FRMD4A: variants seen among roughly 807,000 people sequenced by gnomAD.
FRMD4A encodes the protein FERM domain containing 4A.
A neutral mutation model predicts 129.1 loss-of-function variants in FRMD4A; 29 were observed. That is an observed-to-expected ratio of 0.22 (90% CI 0.17 to 0.31). The LOEUF (loss-of-function observed/expected upper bound fraction) is 0.31. Ranked by LOEUF, FRMD4A falls within the 10% of genes least tolerant of loss-of-function variation. FRMD4A has a pLI of 1.00. For missense variants in FRMD4A, 1,272 were observed against 1,375.8 expected, an observed-to-expected ratio of 0.92 and a Z score of 1.19; for synonymous variants, 634 against 571.6, an observed-to-expected ratio of 1.11 and a Z score of -1.56.
chr10:14,080,392 G>A (rs568902680), intron 2 of FRMD4A, among the ~76,000 whole-genome samples: 1 of 152,218 alleles, frequency 6.6e-6, no homozygotes, highest in East Asian at 1.9e-4. Context: ...ACTGGCTCCT[G>A]AACAAGGGGT....
At chr10:13,649,920 A>G (rs1048507879) in intron 24 of FRMD4A, among the ~76,000 whole-genome samples, 2 of 152,214 alleles carry the variant, frequency 1.3e-5, no homozygotes, top group African/African-American at 4.8e-5. Flanking sequence ...CTGGGGCAGG[A>G]TGAAGATCTA....
chr10:14,287,837 T>C (rs539595984), intron 2 of FRMD4A, among the ~76,000 whole-genome samples: 1 of 152,214 alleles, frequency 6.6e-6, no homozygotes, highest in Non-Finnish European at 1.5e-5. Context: ...GCAGATAAAA[T>C]GAATGACAAG....
chr10:14,028,651 T>C (rs1833091639), intron 2 of FRMD4A, among the ~76,000 whole-genome samples: 1 of 152,056 alleles, frequency 6.6e-6, no homozygotes, highest in African/African-American at 2.4e-5. Context: ...CTTGAGGGGA[T>C]GGAGACCCCC....
At chr10:13,657,630 C>T in intron 21 of FRMD4A, 108 bp from the exon 22 acceptor site, 1 of 1,411,186 alleles carries the variant, frequency 7.1e-7, no homozygotes, top group Non-Finnish European at 9.3e-7. Context: ...TGCACGCGGG[C>T]GCAGGCCCCA....
intron 4 of FRMD4A, among the ~76,000 whole-genome samples, chr10:13,808,783 C>T (rs780110721): frequency 1.7e-4 from 26 of 152,312 alleles, no homozygotes; most frequent in Non-Finnish European, 3.1e-4. Context: ...TGGCTGGCCG[C>T]CACTCCTTCT....
At chr10:13,814,635 AAAAG>A (rs936925767) in intron 3 of FRMD4A, among the ~76,000 whole-genome samples, 24 of 149,450 alleles carry the variant, frequency 1.6e-4, no homozygotes, top group South Asian at 6.3e-4. Flanking sequence ...AGAGAGAAAA[AAAAG>A]AAAGAAAGAA....
intron 2 of FRMD4A, among the ~76,000 whole-genome samples, chr10:14,208,253 A>G (rs1842841650): frequency 6.6e-6 from 1 of 152,102 alleles, no homozygotes; most frequent in Admixed American, 6.6e-5. Flanking sequence ...CTTAAATCCT[A>G]CATGCTGCCT....
chr10:13,761,567 G>C, intron 8 of FRMD4A, 80 bp downstream of exon 8: 1 of 935,918 alleles, frequency 1.1e-6, no homozygotes. Flanking sequence ...CACCTAAAAA[G>C]GACATCCTGA....
intron 15 of FRMD4A, chr10:13,685,354 C>G (rs180974704): frequency 4.1e-6 from 4 of 984,586 alleles, no homozygotes; most frequent in Admixed American, 1.2e-4. Flanking sequence ...TGTAATTTAA[C>G]AGAGAGAGAG....
intron 2 of FRMD4A, among the ~76,000 whole-genome samples, chr10:13,965,858 G>A (rs1332023175): frequency 6.6e-6 from 1 of 152,164 alleles, no homozygotes; most frequent in Non-Finnish European, 1.5e-5. Flanking sequence ...CAAAGACCAG[G>A]CAACCAAAAT....
intron 22 of FRMD4A, chr10:13,654,902 G>A (rs1316413186): frequency 4.9e-6 from 1 of 205,300 alleles, no homozygotes; most frequent in Admixed American, 5.4e-5. Context: ...GGCTCATACA[G>A]GGAGGGCATA....
chr10:14,046,818 G>A (rs545149318), intron 2 of FRMD4A, among the ~76,000 whole-genome samples: 2 of 152,150 alleles, frequency 1.3e-5, no homozygotes, highest in South Asian at 2.1e-4. Context: ...GCTCTGATGA[G>A]GAAAATCTAA....
At position 14,127,980 on chromosome 10, in the gene FRMD4A, T is replaced by TCTCTC. The variant is rs1554766246; in HGVS notation, c.45+202077_45+202078insGAGAG. Among the ~76,000 whole-genome samples, 95 of 19,352 alleles carry TCTCTC rather than the reference T, an allele frequency of 4.9e-3. 5 individuals carry two copies. Among genetic ancestry groups the TCTCTC allele is most frequent in the East Asian group, 8.8e-3 (7 of 800 alleles). The allele number at this position is 19,352 out of a possible 152,430, so 12.7% of individuals were successfully genotyped here. A position where few individuals can be genotyped will look rare whatever the true frequency, so the allele number is the denominator to read the frequency against. On this transcript the variant is annotated intron_variant, in intron 2 of 24. Coordinates refer to ENST00000357447, the MANE Select transcript of FRMD4A (RefSeq NM_018027.5). ...TTTCTTTCTTTCTTTCTTTCTTTCC[T>TCTCTC]TCTCTCTCTCTCTCTCTCTCTTTCT...
intron 2 of FRMD4A, among the ~76,000 whole-genome samples, chr10:14,017,743 T>C (rs2095703771): frequency 6.6e-6 from 1 of 152,204 alleles, no homozygotes; most frequent in Admixed American, 6.5e-5. Context: ...ACTCCCAGGG[T>C]CAACTGTCCA....
At chr10:14,296,557 G>A (rs1160174209) in intron 2 of FRMD4A, among the ~76,000 whole-genome samples, 2 of 152,150 alleles carry the variant, frequency 1.3e-5, no homozygotes, top group South Asian at 2.1e-4. Context: ...ATGATCCCAC[G>A]CATACCAGTG....
At chr10:13,840,866 TGGGAGGCCAAGGTG>T (rs2093953710) in intron 3 of FRMD4A, among the ~76,000 whole-genome samples, 1 of 150,344 alleles carries the variant, frequency 6.7e-6, no homozygotes, top group Non-Finnish European at 1.5e-5. Context: ...CCCAGCACTT[TGGGAGGCCAAGGTG>T]GGAGGATCAC....
At chr10:13,782,776 A>G in intron 6 of FRMD4A, 146 bp downstream of exon 6, 1 of 647,584 alleles carries the variant, frequency 1.5e-6, no homozygotes, top group Non-Finnish European at 2.8e-6. Context: ...CGTTAGCTTC[A>G]TAACATTCCA....
At chr10:14,091,495 G>A (rs1998917) in intron 2 of FRMD4A, among the ~76,000 whole-genome samples, 2,494 of 152,200 alleles carry the variant, frequency 0.016, 108 homozygotes, top group East Asian at 0.16. Flanking sequence ...CTGCAGTGGT[G>A]TGATCTCAGC....
chr10:13,824,126 A>G (rs1204270076), intron 3 of FRMD4A, among the ~76,000 whole-genome samples: 3 of 152,106 alleles, frequency 2.0e-5, no homozygotes, highest in Non-Finnish European at 4.4e-5. Context: ...TCAACCCTGC[A>G]TATCCACAGG....
Sources: gnomAD v4.1 joint callset for allele counts (sites outside exome capture counted in the v4.1 genomes callset) on GRCh38, gnomAD v4.1.1 for gene constraint, MANE v1.5 for transcripts, NCBI Gene and HGNC (gene_info 2026-07-23, HGNC 2026-07-21) for gene names.